CNIH3: variants seen among roughly 807,000 people sequenced by gnomAD.
CNIH3 encodes protein cornichon homolog 3.
CNIH3 carries 14 observed loss-of-function variants against 24.1 expected under a neutral mutation model. That is an observed-to-expected ratio of 0.58 (90% CI 0.38 to 0.91). CNIH3 has a LOEUF of 0.91. Ranked by LOEUF, CNIH3 falls within the 40% of genes least tolerant of loss-of-function variation. CNIH3 has a pLI of 0.00. For missense variants in CNIH3, 178 were observed against 196.8 expected, an observed-to-expected ratio of 0.90 and a Z score of 0.57; for synonymous variants, 68 against 73.8, an observed-to-expected ratio of 0.92 and a Z score of 0.40.
chr1:224,550,576 G>A (rs1679874848), intron 3 of CNIH3, among the ~76,000 whole-genome samples: 1 of 152,096 alleles, frequency 6.6e-6, no homozygotes, highest in African/African-American at 2.4e-5. Flanking sequence ...CAGAGTGATG[G>A]TGTTTCTTTA....
intron 1 of CNIH3, among the ~76,000 whole-genome samples, chr1:224,509,190 G>A (rs1392182904): frequency 6.6e-6 from 1 of 152,180 alleles, no homozygotes; most frequent in Non-Finnish European, 1.5e-5. Flanking sequence ...TGGTGTGGTG[G>A]TACACATCTG....
At chr1:224,695,496 G>C (rs1416378017) in intron 3 of CNIH3, among the ~76,000 whole-genome samples, 1 of 152,128 alleles carries the variant, frequency 6.6e-6, no homozygotes, top group Non-Finnish European at 1.5e-5. Context: ...TGGAACTGCT[G>C]TGAACCGAAC....
chr1:224,488,116 A>G (rs943472719), intron 1 of CNIH3, among the ~76,000 whole-genome samples: 2 of 151,932 alleles, frequency 1.3e-5, no homozygotes, highest in Non-Finnish European at 2.9e-5. Flanking sequence ...CTTGTTAGGT[A>G]TGATATGATA....
intron 1 of CNIH3, among the ~76,000 whole-genome samples, chr1:224,663,615 A>G (rs2125120533): frequency 6.6e-6 from 1 of 152,324 alleles, no homozygotes; most frequent in Admixed American, 6.5e-5. Context: ...GTGTCCAAAC[A>G]AATAGTTGGA....
intron 4 of CNIH3, among the ~76,000 whole-genome samples, chr1:224,575,589 T>C (rs1681003205): frequency 6.6e-6 from 1 of 152,122 alleles, no homozygotes; most frequent in Non-Finnish European, 1.5e-5. Flanking sequence ...GCCCTTCTTT[T>C]TGCCCAGCTG....
chr1:224,560,869 A>C (rs766966808), intron 3 of CNIH3, among the ~76,000 whole-genome samples: 4 of 152,230 alleles, frequency 2.6e-5, no homozygotes, highest in African/African-American at 9.6e-5. Flanking sequence ...ATTGTCTTCC[A>C]TGAAACCGTC....
intron 1 of CNIH3, among the ~76,000 whole-genome samples, chr1:224,445,811 G>A (rs528972190): frequency 9.2e-5 from 14 of 152,106 alleles, no homozygotes; most frequent in Non-Finnish European, 1.9e-4. Flanking sequence ...TACTTTAGAA[G>A]TCATTTCTCG....
At chr1:224,517,725 A>T (rs1678453695) in intron 1 of CNIH3, among the ~76,000 whole-genome samples, 1 of 151,482 alleles carries the variant, frequency 6.6e-6, no homozygotes, top group Non-Finnish European at 1.5e-5. Context: ...AGAACATACG[A>T]TGTTTGGTTT....
intron 1 of CNIH3, among the ~76,000 whole-genome samples, chr1:224,450,337 T>TGACG (rs1244175982): frequency 4.6e-5 from 7 of 152,174 alleles, no homozygotes; most frequent in Non-Finnish European, 1.0e-4. Flanking sequence ...TATGATGGTA[T>TGACG]GACGTGCTAG....
At chr1:224,729,625 C>T (rs914340019) in intron 3 of CNIH3, among the ~76,000 whole-genome samples, 1 of 151,864 alleles carries the variant, frequency 6.6e-6, no homozygotes, top group African/African-American at 2.4e-5. Flanking sequence ...TGTAGCCTTC[C>T]CTACTGCTGG....
intron 2 of CNIH3, among the ~76,000 whole-genome samples, chr1:224,683,692 T>C (rs1355451653): frequency 1.3e-5 from 2 of 152,264 alleles, no homozygotes; most frequent in Non-Finnish European, 2.9e-5. Flanking sequence ...TCGTTTCTCA[T>C]GTTTTCCCTT....
chr1:224,690,709 A>G (rs1686887843), intron 3 of CNIH3, among the ~76,000 whole-genome samples: 1 of 152,182 alleles, frequency 6.6e-6, no homozygotes, highest in South Asian at 2.1e-4. Flanking sequence ...AAAAAGCTGT[A>G]GTGGGTGGAT....
chr1:224,460,039 T>G (rs2185684), intron 1 of CNIH3, among the ~76,000 whole-genome samples: 42,709 of 151,668 alleles, frequency 0.28, 7,437 homozygotes, highest in African/African-American at 0.49. Flanking sequence ...ACTACACCTG[T>G]CTAACTTTTG....
intron 3 of CNIH3, among the ~76,000 whole-genome samples, chr1:224,686,021 T>A (rs956297901): frequency 3.9e-5 from 6 of 152,248 alleles, no homozygotes; most frequent in African/African-American, 7.2e-5. Flanking sequence ...CTTTTTTTTT[T>A]AATACTTTAA....
chr1:224,482,219 G>T (rs1676844012), intron 1 of CNIH3, among the ~76,000 whole-genome samples: 2 of 152,126 alleles, frequency 1.3e-5, no homozygotes, highest in Admixed American at 1.3e-4. Context: ...GAGCCTGGTT[G>T]GTGCTCTTCC....
chr1:224,487,118 A>T (rs754965113), intron 1 of CNIH3, among the ~76,000 whole-genome samples: 15 of 152,252 alleles, frequency 9.9e-5, no homozygotes, highest in Non-Finnish European at 2.2e-4. Context: ...AGACATTCTC[A>T]GCAGCTCATT....
At chr1:224,497,378 TA>T (rs1558108473) in intron 1 of CNIH3, among the ~76,000 whole-genome samples, 1 of 152,250 alleles carries the variant, frequency 6.6e-6, no homozygotes, top group African/African-American at 2.4e-5. Flanking sequence ...ATGTTTACTT[TA>T]AAAAATGATA....
intron 1 of CNIH3, chr1:224,665,026 A>T (rs1200181928): frequency 6.6e-6 from 1 of 151,928 alleles, no homozygotes; most frequent in Non-Finnish European, 1.5e-5. Context: ...ATTTTCAATT[A>T]TTTTTCTCTA....
chr1:224,448,553 T>C (rs1422819425), intron 1 of CNIH3, among the ~76,000 whole-genome samples: 2 of 152,262 alleles, frequency 1.3e-5, no homozygotes, highest in Non-Finnish European at 2.9e-5. Flanking sequence ...TCATGACTTC[T>C]GATCTGTTCT....
Sources: gnomAD v4.1 joint callset for allele counts (sites outside exome capture counted in the v4.1 genomes callset) on GRCh38, gnomAD v4.1.1 for gene constraint, MANE v1.5 for transcripts, NCBI Gene and HGNC (gene_info 2026-07-23, HGNC 2026-07-21) for gene names.